PHACTR2: variants seen among roughly 807,000 people sequenced by gnomAD.
The protein encoded by PHACTR2 is chromosome 6 open reading frame 56.
In PHACTR2, 30 loss-of-function variants were observed where a neutral mutation model predicts 76.0. That is an observed-to-expected ratio of 0.39 (90% CI 0.30 to 0.54). The LOEUF is 0.54. Among genes scored for constraint, PHACTR2 ranks in the 20% least tolerant of loss-of-function variants. The pLI is 0.61. For synonymous variants in PHACTR2, 292 were observed against 292.5 expected (o/e 1.00, Z 0.02); for missense variants, 696 against 781.1 (o/e 0.89, Z 1.30).
Position 143,826,653 on chromosome 6 carries a change from T to A in PHACTR2, c.*2964T>A, listed in dbSNP as rs1582919907. ...AGATGCTCAGCAAGCTTGATCAGAA[T>A]CTTCATGGTCATTACCAATCAGTCT... On this transcript the variant is annotated 3_prime_UTR_variant, in exon 13 of 13. Transcript: ENST00000440869. 1 of 152,300 alleles carries A rather than the reference T, an allele frequency of 6.6e-6. No individual in the cohort carries two copies. The highest frequency in any genetic ancestry group is 1.9e-4 in the East Asian group (1 of 5,174). 9.4% of individuals were successfully genotyped at this position (152,300 alleles called of 1,614,324 possible).
chr6:143,655,157 C>CAAAAAAAAAAAAAAAAAAAAAAAAAAA (rs151076366), intron 1 of PHACTR2, among the ~76,000 whole-genome samples: 2 of 99,104 alleles, frequency 2.0e-5, no homozygotes, highest in Non-Finnish European at 4.0e-5. Context: ...AACTCCGTCT[C>CAAAAAAAAAAAAAAAAAAAAAAAAAAA]AAAAAAAAAA....
rs1168332415 is a variant in PHACTR2, at chr6:143,653,660, T to C, written c.13+45338T>C. On this transcript the variant is annotated intron_variant, in intron 1 of 11. Coordinates refer to the PHACTR2 transcript ENST00000305766. The surrounding 1 kb of genome is among the most constrained non-coding windows in gnomAD (Gnocchi z 4.9). ...CAAACAGTGCTAGGGCAACTAGATA[T>C]CTATGTGAAGAAGAATAAAGTGAGA... Among the ~76,000 whole-genome samples the C allele has an allele frequency of 6.6e-6, 1 of 151,802 alleles. No homozygotes were observed. Among genetic ancestry groups the C allele is most frequent in the Non-Finnish European group, 1.5e-5 (1 of 67,992 alleles).
chr6:143,810,476 T>C (rs1351498265), intron 12 of PHACTR2: 1 of 412,260 alleles, frequency 2.4e-6, no homozygotes, highest in Non-Finnish European at 4.9e-6. Flanking sequence ...GTTTATATTC[T>C]AAAGGATGAA....
rs1781147787 is a variant in PHACTR2 at position 143,539,044 on chromosome 6, T to A, written c.217+1837T>A. Among the ~76,000 whole-genome samples the A allele has an allele frequency of 6.6e-6, 1 of 152,228 alleles. No homozygotes were observed. The highest frequency in any genetic ancestry group is 1.5e-5 in the Non-Finnish European group (1 of 68,046). The stretch of plus-strand genomic sequence containing the variant: ...CACTGAGAATTCACCTAGTTGGTGA[T>A]TGTAGACAAAGTATAGCTTGCATCG... On this transcript the variant is annotated intron_variant, in intron 1 of 11. Coordinates refer to the PHACTR2 transcript ENST00000367584. This position sits in a 1 kb window ranked among gnomAD's most constrained non-coding sequence, Gnocchi z 4.3.
intron 1 of PHACTR2, among the ~76,000 whole-genome samples, chr6:143,706,745 G>A (rs1367962876): frequency 6.6e-5 from 10 of 152,302 alleles, no homozygotes; most frequent in Non-Finnish European, 1.2e-4. Flanking sequence ...ACTCTGATTA[G>A]CAAGAGAGTA....
Position 143,766,854 on chromosome 6 carries a change from TG to T in PHACTR2, c.1232+1058del, listed in dbSNP as rs1384559878. ...TGTCTCACGAGTATGAAGGGATGGATGGCTGTCAGAGTATAGTAGACGCAAT... is the reference window on the plus strand; with the variant it reads ...TGTCTCACGAGTATGAAGGGATGGATGCTGTCAGAGTATAGTAGACGCAAT... On this transcript the variant is annotated intron_variant, in intron 6 of 12. Coordinates refer to ENST00000440869, the MANE Select transcript of PHACTR2 (RefSeq NM_001100164.2). 2.6e-5 allele frequency among the ~76,000 whole-genome samples: 4 copies of T among 152,350 alleles called. 1 individual carries two copies. The Middle Eastern group carries it at 0.01, about 389-fold the overall frequency.
intron 1 of PHACTR2, among the ~76,000 whole-genome samples, chr6:143,563,780 G>C (rs1775318165): frequency 6.6e-6 from 1 of 151,108 alleles, no homozygotes; most frequent in Non-Finnish European, 1.5e-5. Context: ...TGGATCACTT[G>C]AGCTTGAGAG....
At chr6:143,711,080 A>G (rs1315733589) in intron 1 of PHACTR2, 1 of 516,682 alleles carries the variant, frequency 1.9e-6, no homozygotes, top group Admixed American at 2.0e-5. Context: ...TGTAAATACC[A>G]TTTGATGAGT....
chr6:143,584,814 A>G (rs1027502232), intron 1 of PHACTR2, among the ~76,000 whole-genome samples: 2 of 152,046 alleles, frequency 1.3e-5, no homozygotes, highest in Admixed American at 6.5e-5. Flanking sequence ...TCGGGTCAGA[A>G]GTTTCCTTCT....
At position 143,782,554 on chromosome 6, in the gene PHACTR2, G is replaced by A. The variant is rs1238622861; in HGVS notation, c.1646-665G>A. Among the ~76,000 whole-genome samples, 1 of 152,088 alleles carries A rather than the reference G, an allele frequency of 6.6e-6. No homozygotes were observed. Among genetic ancestry groups the A allele is most frequent in the Non-Finnish European group, 1.5e-5 (1 of 68,010 alleles). ...TGGGCAGCATAAAATCGTACTACTT[G>A]GTGAATCACTAGAGAACGAGAAGAC... On this transcript the variant is annotated intron_variant, in intron 9 of 12. Transcript: ENST00000440869. The surrounding 1 kb of genome is among the most constrained non-coding windows in gnomAD (Gnocchi z 4.6).
intron 1 of PHACTR2, among the ~76,000 whole-genome samples, chr6:143,637,468 CT>C (rs1776479244): frequency 6.6e-6 from 1 of 152,172 alleles, no homozygotes; most frequent in Non-Finnish European, 1.5e-5. Context: ...CTCAGTAAGA[CT>C]TTGCGAAATT....
rs67124785 is a variant in PHACTR2 at position 143,827,155 on chromosome 6, A to AATATATATATATATATAT, written c.*3493_*3510dup. On this transcript the variant is annotated 3_prime_UTR_variant, in exon 13 of 13. Coordinates refer to ENST00000440869, the MANE Select transcript of PHACTR2 (RefSeq NM_001100164.2). ...GGGCTGCGTTGGCATTAAAAAAGAA[A>AATATATATATATATATAT]ATATATATATATATATATATATATA... 1.3e-4 allele frequency: 10 copies of AATATATATATATATATAT among 77,244 alleles called. No individual in the cohort carries two copies. The highest frequency in any genetic ancestry group is 2.2e-4 in the Non-Finnish European group (9 of 41,044). The allele number at this position is 77,244 out of a possible 1,614,324, so 4.8% of individuals were successfully genotyped here.
intron 1 of PHACTR2, among the ~76,000 whole-genome samples, chr6:143,626,536 C>CAAAAAAAAAAAAA (rs35107482): frequency 2.5e-5 from 3 of 122,308 alleles, no homozygotes; most frequent in Non-Finnish European, 5.0e-5. Context: ...GACTCCGTCT[C>CAAAAAAAAAAAAA]AAAAAAAAAA....
Position 143,753,208 on chromosome 6 carries a change from C to CATAG in PHACTR2, c.296-544_296-541dup, listed in dbSNP as rs1407779074. On this transcript the variant is annotated intron_variant, in intron 3 of 12. Transcript: ENST00000440869. This position sits in a 1 kb window ranked among gnomAD's most constrained non-coding sequence, Gnocchi z 4.6. ...GCCTTGCTATCATGTTTTCCCTGAA[C>CATAG]ATAGAGTAGCAGTTATATTACTGTG... Among the ~76,000 whole-genome samples the CATAG allele has an allele frequency of 6.6e-6, 1 of 152,092 alleles. No individual in the cohort carries two copies. Among genetic ancestry groups the CATAG allele is most frequent in the Non-Finnish European group, 1.5e-5 (1 of 68,016 alleles).
At position 143,774,156 on chromosome 6, in the gene PHACTR2, G is replaced by A. The variant is rs754169525; in HGVS notation, c.1530G>A (p.Gln510=). 6.2e-7 allele frequency: 1 copy of A among 1,614,012 alleles called. No homozygotes were observed. The highest frequency in any genetic ancestry group is 1.1e-5 in the South Asian group (1 of 91,058). The change falls in exon 8 of 13, where the codon CAG becomes CAA. Residue 510 remains glutamine (Q), a synonymous_variant. Transcript: ENST00000440869. This position sits in a 1 kb window ranked among gnomAD's most constrained non-coding sequence, Gnocchi z 5.4. ...KKELEDKNIL[Q]RTSEEERQEI... is the part of the protein sequence containing the mutation. ...AACTAGAGGACAAAAACATCTTGCAGCGTACATCTGAAGAAGAGAGGCAGG... is the reference window on the plus strand; with the variant it reads ...AACTAGAGGACAAAAACATCTTGCAACGTACATCTGAAGAAGAGAGGCAGG...
At position 143,708,436 on chromosome 6, in the gene PHACTR2, A is replaced by G. The variant is rs927396474; in HGVS notation, c.47-3580A>G. 1.1e-4 allele frequency among the ~76,000 whole-genome samples: 16 copies of G among 152,246 alleles called. No individual in the cohort carries two copies. Among genetic ancestry groups the G allele is most frequent in the Non-Finnish European group, 2.2e-4 (15 of 68,040 alleles). Reference sequence around the variant, plus strand: ...TGAATGACAAGTTACTCTTAGTAACATAAAAATGGATCAAAATTAATGCTG... The same window carrying G: ...TGAATGACAAGTTACTCTTAGTAACGTAAAAATGGATCAAAATTAATGCTG... On this transcript the variant is annotated intron_variant, in intron 1 of 12. Coordinates refer to ENST00000440869, the MANE Select transcript of PHACTR2 (RefSeq NM_001100164.2). This position sits in a 1 kb window ranked among gnomAD's most constrained non-coding sequence, Gnocchi z 5.5.
chr6:143,777,816 AT>A lies in PHACTR2; in HGVS notation c.1645+435del, dbSNP rs1409573413. Among the ~76,000 whole-genome samples, 1 of 152,250 alleles carries A rather than the reference AT, an allele frequency of 6.6e-6. No individual in the cohort carries two copies. The highest frequency in any genetic ancestry group is 1.5e-5 in the Non-Finnish European group (1 of 68,046). ...TGTTGCTAGTTTAACAAATGGCTCA[AT>A]TCAAAACAAAATTTTCAATCCATTG... is the stretch of plus-strand genomic sequence containing the variant. On this transcript the variant is annotated intron_variant, in intron 9 of 12. Transcript: ENST00000440869. The surrounding 1 kb of genome is among the most constrained non-coding windows in gnomAD (Gnocchi z 4.6).
In PHACTR2 at chr6:143,750,939, T is replaced by C. The variant is rs1252316248; in HGVS notation, c.295+1874T>C. 1.3e-5 allele frequency among the ~76,000 whole-genome samples: 2 copies of C among 152,230 alleles called. No homozygotes were observed. Among genetic ancestry groups the C allele is most frequent in the Admixed American group, 1.3e-4 (2 of 15,278 alleles). ...ATCTAGAACCGTAGAAATTATCTAA[T>C]GGTTGAAGGTTCCTGAGGATGTCAG... On this transcript the variant is annotated intron_variant, in intron 3 of 12. Transcript: ENST00000440869. The surrounding 1 kb of genome is among the most constrained non-coding windows in gnomAD (Gnocchi z 4.6).
chr6:143,786,646 G>T (rs920567296), intron 10 of PHACTR2, among the ~76,000 whole-genome samples: 3 of 152,200 alleles, frequency 2.0e-5, no homozygotes, highest in Non-Finnish European at 2.9e-5. Flanking sequence ...GTTCCACATG[G>T]CTGGGGAGGC....
Sources: gnomAD v4.1 joint callset for allele counts (sites outside exome capture counted in the v4.1 genomes callset) on GRCh38, gnomAD v4.1.1 for gene constraint, Gnocchi (gnomAD v3.1) non-coding constraint, MANE v1.5 for transcripts, NCBI Gene and HGNC (gene_info 2026-07-23, HGNC 2026-07-21) for gene names.